The following LTBP1 variants were observed in gnomAD, a reference collection of about 807,000 sequenced individuals.
The protein encoded by LTBP1 is latent transforming growth factor beta binding protein 1, also known as latent-transforming growth factor beta-binding protein 1.
In LTBP1, 129 loss-of-function variants were observed where a neutral mutation model predicts 207.6. The ratio of observed to expected loss-of-function variants is 0.62; its 90% CI spans 0.54 to 0.72. The LOEUF is 0.72. Ranked by LOEUF, LTBP1 falls within the 30% of genes least tolerant of loss-of-function variation. LTBP1 has a pLI of 0.00. For missense variants in LTBP1, 2,281 were observed against 2,217.2 expected (o/e 1.03, Z -0.58); for synonymous variants, 963 against 833.7 (o/e 1.16, Z -2.67).
At chr2:32,952,981 A>G (rs1677415644) in intron 2 of LTBP1, among the ~76,000 whole-genome samples, 1 of 152,214 alleles carries the variant, frequency 6.6e-6, no homozygotes, top group African/African-American at 2.4e-5. Flanking sequence ...CTATGAATAG[A>G]GGAGAAACAC....
In LTBP1 at chr2:33,077,719, C is replaced by T. The variant is rs72869689; in HGVS notation, c.864-32863C>T. On this transcript the variant is annotated intron_variant, in intron 3 of 33. Coordinates refer to ENST00000404816, the MANE Select transcript of LTBP1 (RefSeq NM_206943.4). ...TTTGGGTGGGGACACAGATCCAAAC[C>T]GTATCAAAACGCATTGTTGTTTTTT... Among the ~76,000 whole-genome samples, 701 of 152,238 alleles carry T rather than the reference C, an allele frequency of 4.6e-3. 9 individuals are homozygous for T. The highest frequency in any genetic ancestry group is 0.016 in the African/African-American group (652 of 41,542).
intron 2 of LTBP1, among the ~76,000 whole-genome samples, chr2:33,000,335 C>T (rs1224233386): frequency 7.4e-6 from 1 of 134,572 alleles, no homozygotes; most frequent in Non-Finnish European, 1.6e-5. Flanking sequence ...ATGTGTATAC[C>T]GAGCTACGGA....
chr2:33,208,161 T>C (rs1184921376), intron 7 of LTBP1, among the ~76,000 whole-genome samples: 6 of 152,224 alleles, frequency 3.9e-5, no homozygotes, highest in African/African-American at 1.2e-4. Context: ...TGTGCCAGAA[T>C]GTTAGAGTAA....
At chr2:33,210,105 A>C (rs1185030422) in intron 7 of LTBP1, among the ~76,000 whole-genome samples, 1 of 152,230 alleles carries the variant, frequency 6.6e-6, no homozygotes, top group Non-Finnish European at 1.5e-5. Context: ...GTGGTTGTGC[A>C]GAAAAGTCTG....
chr2:33,364,764 G>A (rs922919569), intron 30 of LTBP1, among the ~76,000 whole-genome samples: 3 of 152,212 alleles, frequency 2.0e-5, no homozygotes. Context: ...GAGCCCCGAA[G>A]TCCACTGACA....
intron 9 of LTBP1, among the ~76,000 whole-genome samples, chr2:33,225,447 A>G (rs2091378459): frequency 6.6e-6 from 1 of 152,202 alleles, no homozygotes; most frequent in South Asian, 2.1e-4. Context: ...AAGCCTCACA[A>G]TCATGGTGGA....
chr2:32,959,886 A>G (rs1678813203), intron 2 of LTBP1, among the ~76,000 whole-genome samples: 2 of 151,702 alleles, frequency 1.3e-5, no homozygotes, highest in African/African-American at 4.8e-5. Context: ...CTCCCAGAGT[A>G]CTGGGATTAC....
At chr2:33,290,063 CGT>C (rs2148788826) in intron 19 of LTBP1, among the ~76,000 whole-genome samples, 1 of 152,146 alleles carries the variant, frequency 6.6e-6, no homozygotes, top group Non-Finnish European at 1.5e-5. Flanking sequence ...CCTTGTGCTG[CGT>C]CTTAATATGC....
rs1173062285 is a variant in LTBP1, at chr2:33,000,028, C to T, written c.566-20881C>T. Among the ~76,000 whole-genome samples, 4 of 134,342 alleles carry T rather than the reference C, an allele frequency of 3.0e-5. 2 individuals are homozygous for T. Among genetic ancestry groups the T allele is most frequent in the African/African-American group, 1.0e-4 (4 of 38,506 alleles). 88.1% of individuals were successfully genotyped at this position (134,342 alleles called of 152,430 possible). On this transcript the variant is annotated intron_variant, in intron 2 of 33. Coordinates refer to ENST00000404816, the MANE Select transcript of LTBP1 (RefSeq NM_206943.4). ...GGGCTCTACTCCAGAGAGCCAGTAT[C>T]AGTAGGGCTTGGGAAGGACCCAGGA...
At chr2:33,010,606 G>A (rs1458818024) in intron 2 of LTBP1, among the ~76,000 whole-genome samples, 3 of 152,002 alleles carry the variant, frequency 2.0e-5, no homozygotes, top group Non-Finnish European at 4.4e-5. Flanking sequence ...CACATTCTCT[G>A]CAGGTAACAA....
At chr2:32,951,449 G>A (rs1257942935) in intron 2 of LTBP1, among the ~76,000 whole-genome samples, 1 of 152,218 alleles carries the variant, frequency 6.6e-6, no homozygotes, top group Non-Finnish European at 1.5e-5. Context: ...GAGATCCAGG[G>A]AGCTGAGAGA....
At chr2:33,284,213 T>G (rs1210257877) in intron 19 of LTBP1, among the ~76,000 whole-genome samples, 1 of 152,198 alleles carries the variant, frequency 6.6e-6, no homozygotes, top group Non-Finnish European at 1.5e-5. Flanking sequence ...GAGCAGAAAT[T>G]GTTTTGGGCA....
At chr2:33,354,664 A>C (rs909275725) in intron 26 of LTBP1, among the ~76,000 whole-genome samples, 2 of 150,102 alleles carry the variant, frequency 1.3e-5, no homozygotes. Flanking sequence ...ATATCAATCA[A>C]AGTGACAAAC....
chr2:33,174,851 C>T (rs548854097), intron 5 of LTBP1, among the ~76,000 whole-genome samples: 249 of 151,792 alleles, frequency 1.6e-3, no homozygotes, highest in Non-Finnish European at 2.8e-3. Flanking sequence ...GAAATAACGC[C>T]GCATATCTAC....
chr2:33,225,374 C>A (rs1161770832), intron 9 of LTBP1, among the ~76,000 whole-genome samples: 1 of 152,130 alleles, frequency 6.6e-6, no homozygotes, highest in South Asian at 2.1e-4. Flanking sequence ...AAGACATACC[C>A]GAGACTGGGC....
chr2:32,984,910 G>A (rs114687676), intron 2 of LTBP1, among the ~76,000 whole-genome samples: 3,450 of 151,904 alleles, frequency 0.023, 136 homozygotes, highest in African/African-American at 0.078. Context: ...CAGCCTGGGC[G>A]AGAAGAGTGA....
At chr2:33,340,540 A>T (rs551386594) in intron 24 of LTBP1, among the ~76,000 whole-genome samples, 2 of 152,296 alleles carry the variant, frequency 1.3e-5, no homozygotes, top group South Asian at 2.1e-4. Context: ...ATTCAGCCAG[A>T]CTCGGAGGTC....
chr2:33,018,659 C>G (rs1205442259), intron 2 of LTBP1, among the ~76,000 whole-genome samples: 1 of 152,130 alleles, frequency 6.6e-6, no homozygotes, highest in Non-Finnish European at 1.5e-5. Flanking sequence ...GGTCAGGAAA[C>G]TCTGATAGTT....
At chr2:33,396,162 A>T (rs1204470322) in intron 32 of LTBP1, among the ~76,000 whole-genome samples, 1 of 144,650 alleles carries the variant, frequency 6.9e-6, no homozygotes, top group Non-Finnish European at 1.5e-5. Context: ...CTTAAAAAAA[A>T]ACTTTTGGTT....
Sources: allele counts gnomAD v4.1 joint callset (sites outside exome capture counted in the v4.1 genomes callset), GRCh38; gene constraint gnomAD v4.1.1; transcripts MANE v1.5; gene names NCBI Gene and HGNC (gene_info 2026-07-23, HGNC 2026-07-21).